ZSCAN18: variants seen among roughly 807,000 people sequenced by gnomAD.
The protein encoded by ZSCAN18 is zinc finger and SCAN domain containing 18.
In ZSCAN18, 16 loss-of-function variants were observed where a neutral mutation model predicts 31.1. The ratio of observed to expected loss-of-function variants is 0.51; its 90% CI spans 0.35 to 0.78. The LOEUF is 0.78. Among genes scored for constraint, ZSCAN18 ranks in the 30% least tolerant of loss-of-function variants. The pLI, the probability that ZSCAN18 is intolerant of heterozygous loss-of-function variation, is 0.01. For missense variants in ZSCAN18, 731 were observed against 697.4 expected, an observed-to-expected ratio of 1.05 and a Z score of -0.54; for synonymous variants, 375 against 320.7, an observed-to-expected ratio of 1.17 and a Z score of -1.81.
chr19:58,111,237 T>A (rs1047091738), intron 1 of ZSCAN18, among the ~76,000 whole-genome samples: 3 of 152,170 alleles, frequency 2.0e-5, no homozygotes, highest in Non-Finnish European at 4.4e-5. Flanking sequence ...ACTGCTTTGA[T>A]TGGCCCTGAA....
chr19:58,085,915 C>T lies in ZSCAN18; in HGVS notation c.838+259G>A, dbSNP rs577298255. 8.9e-6 allele frequency: 4 copies of T among 451,814 alleles called. No individual in the cohort carries two copies. In the East Asian group the frequency reaches 1.4e-4, roughly 16 times the overall value. 28.0% of individuals were successfully genotyped at this position (451,814 alleles called of 1,614,324 possible). ...TCCAATGGGGCAGAACGGCCACCCC[C>T]GGGACCAGTCATACACAGATCCTGG... is the stretch of plus-strand genomic sequence containing the variant. On this transcript the variant is annotated intron_variant, in intron 6 of 6. Coordinates refer to ENST00000601144, the MANE Select transcript of ZSCAN18 (RefSeq NM_001145543.2).
chr19:58,110,346 A>G (rs1158441982), intron 1 of ZSCAN18, among the ~76,000 whole-genome samples: 1 of 151,852 alleles, frequency 6.6e-6, no homozygotes, highest in African/African-American at 2.4e-5. Flanking sequence ...CACCTGTCCC[A>G]CCCACTCGGC....
chr19:58,112,362 T>C (rs1272293009), intron 1 of ZSCAN18, among the ~76,000 whole-genome samples: 1 of 152,008 alleles, frequency 6.6e-6, no homozygotes, highest in Non-Finnish European at 1.5e-5. Context: ...TTAAAAAACA[T>C]ACTCAAGGCT....
intron 1 of ZSCAN18, among the ~76,000 whole-genome samples, chr19:58,113,049 C>T (rs1416981946): frequency 1.3e-5 from 2 of 151,598 alleles, no homozygotes; most frequent in East Asian, 3.9e-4. Flanking sequence ...GGCGCAGTGG[C>T]TCACGTCTGT....
chr19:58,097,050 T>C (rs1363148514), intron 1 of ZSCAN18, among the ~76,000 whole-genome samples: 1 of 152,170 alleles, frequency 6.6e-6, no homozygotes, highest in African/African-American at 2.4e-5. Flanking sequence ...GGTCCCGCTC[T>C]GACTCCAGGG....
chr19:58,098,427 G>A (rs891671871), upstream of ZSCAN18: 1 of 965,532 alleles, frequency 1.0e-6, no homozygotes, highest in African/African-American at 1.8e-5. Flanking sequence ...CCATGGCAAC[G>A]AAGTAAACAA....
rs767710805 is a variant in ZSCAN18 at position 58,088,794 on chromosome 19, G to T, written c.447C>A (p.Ser149Arg). ...GSPAGSSSIL[S>R]DGVYERHMDP... ...CCATGTGCCTCTCGTACACTCCATCGCTAAGAATTGAGGATGAGCCCGCAG... is the reference window on the plus strand; with the variant it reads ...CCATGTGCCTCTCGTACACTCCATCTCTAAGAATTGAGGATGAGCCCGCAG... Residue 149 changes from serine (S) to arginine (R), a missense_variant, in exon 3 of 7, where the codon AGC becomes AGA. Transcript: ENST00000601144. 6.2e-7 allele frequency: 1 copy of T among 1,612,724 alleles called. No individual in the cohort carries two copies.
chr19:58,089,302 CAAAAAAAA>C (rs374086957), intron 2 of ZSCAN18, among the ~76,000 whole-genome samples: 4 of 45,296 alleles, frequency 8.8e-5, no homozygotes, highest in African/African-American at 3.4e-4. Flanking sequence ...GACTCCGTCT[CAAAAAAAA>C]AAAAAAAAAA....
chr19:58,108,551 T>C, intron 1 of ZSCAN18: 1 of 986,070 alleles, frequency 1.0e-6, no homozygotes, highest in East Asian at 1.1e-4. Context: ...ACAATCAGGT[T>C]GTAATTCTTA....
chr19:58,108,228 A>G (rs912477997), intron 1 of ZSCAN18: 2 of 985,512 alleles, frequency 2.0e-6, no homozygotes, highest in Admixed American at 6.1e-5. Context: ...TGTGTGATCA[A>G]TGAAGGCCTT....
chr19:58,084,614 A>T lies in ZSCAN18; in HGVS notation c.*71T>A. The T allele has an allele frequency of 7.3e-7, 1 of 1,378,948 alleles. No individual in the cohort carries two copies. Among genetic ancestry groups the T allele is most frequent in the Non-Finnish European group, 9.5e-7 (1 of 1,054,794 alleles). 85.4% of individuals were successfully genotyped at this position (1,378,948 alleles called of 1,614,324 possible). ...AGGAAGCCGCCACCCAGGGGCGTGG[A>T]AAGGCCCAATGCCTCGTCTGGGATT... is the stretch of plus-strand genomic sequence containing the variant. On this transcript the variant is annotated 3_prime_UTR_variant, in exon 7 of 7. Transcript: ENST00000601144. This position sits in a 1 kb window ranked among gnomAD's most constrained non-coding sequence, Gnocchi z 4.5.
intron 1 of ZSCAN18, among the ~76,000 whole-genome samples, chr19:58,106,335 G>A (rs949877506): frequency 5.9e-5 from 9 of 152,172 alleles, no homozygotes; most frequent in Non-Finnish European, 7.3e-5. Context: ...CCTAGAGGTC[G>A]AGGCTGCAGC....
chr19:58,107,462 G>C (rs945303254), intron 1 of ZSCAN18: 2 of 163,668 alleles, frequency 1.2e-5, no homozygotes, highest in African/African-American at 4.8e-5. Flanking sequence ...TCAGGAGTTT[G>C]AGGAAGGAGA....
intron 1 of ZSCAN18, among the ~76,000 whole-genome samples, chr19:58,093,920 A>G (rs2074466771): frequency 6.6e-6 from 1 of 151,830 alleles, no homozygotes; most frequent in African/African-American, 2.4e-5. Context: ...CACTTGCCCC[A>G]TGCCTAGCTA....
intron 1 of ZSCAN18, chr19:58,092,799 G>T: frequency 3.8e-6 from 3 of 780,026 alleles, no homozygotes; most frequent in Non-Finnish European, 4.7e-6. Context: ...TTAAACACAG[G>T]GTCTTACTCT....
chr19:58,087,545 C>A, intron 3 of ZSCAN18, 141 bp from the exon 4 acceptor site: 1 of 696,458 alleles, frequency 1.4e-6, no homozygotes, highest in East Asian at 2.7e-5. Context: ...ACGGACACTA[C>A]ACCTTTCCCT....
At chr19:58,097,293 T>A (rs551996764) in intron 1 of ZSCAN18, among the ~76,000 whole-genome samples, 1 of 151,362 alleles carries the variant, frequency 6.6e-6, no homozygotes, top group Admixed American at 6.6e-5. Context: ...AGCCAGATAG[T>A]CTGGACGGGG....
exon 1 of ZSCAN18, chr19:58,118,325 G>T: frequency 6.5e-7 from 1 of 1,531,286 alleles, no homozygotes; most frequent in East Asian, 2.6e-5. Context: ...AGACCCGAGA[G>T]GCCGCGAGAG....
chr19:58,113,273 G>A (rs995386353), intron 1 of ZSCAN18, among the ~76,000 whole-genome samples: 2 of 150,728 alleles, frequency 1.3e-5, no homozygotes, highest in Non-Finnish European at 3.0e-5. Context: ...CCGAGATCAC[G>A]CCACTGCACT....
Sources: allele counts gnomAD v4.1 joint callset (sites outside exome capture counted in the v4.1 genomes callset), GRCh38; gene constraint gnomAD v4.1.1; non-coding constraint Gnocchi (gnomAD v3.1); transcripts MANE v1.5; gene names NCBI Gene and HGNC (gene_info 2026-07-23, HGNC 2026-07-21).